The following MYO5A variants were observed in gnomAD, a reference collection of about 807,000 sequenced individuals.
The protein encoded by MYO5A is myosin VA, also known as unconventional myosin-Va.
Under a neutral mutation model 249.7 loss-of-function variants are expected in MYO5A, and 98 were observed. The observed-to-expected ratio is 0.39, with a 90% CI of 0.33 to 0.46. The LOEUF (loss-of-function observed/expected upper bound fraction) is 0.46, where lower values mean the gene tolerates loss of function less well. Among genes scored for constraint, MYO5A ranks in the 20% least tolerant of loss-of-function variants. MYO5A has a pLI of 0.98. For synonymous variants in MYO5A, 778 were observed against 810.6 expected (o/e 0.96, Z 0.68); for missense variants, 1,696 against 2,308.8 (o/e 0.73, Z 5.44).
chr15:52,392,768 T>C (rs905553110), intron 11 of MYO5A, among the ~76,000 whole-genome samples: 3 of 152,244 alleles, frequency 2.0e-5, no homozygotes, highest in African/African-American at 4.8e-5. Flanking sequence ...TCACTGCACA[T>C]GGGCAACAAC....
intron 21 of MYO5A, among the ~76,000 whole-genome samples, chr15:52,371,613 C>A (rs1487428443): frequency 1.3e-5 from 2 of 152,096 alleles, no homozygotes; most frequent in African/African-American, 2.4e-5. Context: ...TCCTGCCAGG[C>A]ATGGTAGCTC....
At chr15:52,423,428 T>C in intron 4 of MYO5A, among the ~76,000 whole-genome samples, 1 of 152,060 alleles carries the variant, frequency 6.6e-6, no homozygotes, top group East Asian at 1.9e-4. Flanking sequence ...GGCAGGTGCC[T>C]GTAGTCCCAG....
rs377259481 is a variant in MYO5A at position 52,510,771 on chromosome 15, A to G, written c.27+18009T>C. Among the ~76,000 whole-genome samples, 33 of 152,366 alleles carry G rather than the reference A, an allele frequency of 2.2e-4. 1 individual carries two copies. The highest frequency in any genetic ancestry group is 1.2e-3 in the East Asian group (6 of 5,194). On this transcript the variant is annotated intron_variant, in intron 1 of 41. Coordinates refer to ENST00000399233, the MANE Select transcript of MYO5A (RefSeq NM_001382347.1). ...CAGGTCTGTGGAAAAACTGTCTTCC[A>G]TGAAACTGGTCCCTGGGGCCAAAAA... is the stretch of plus-strand genomic sequence containing the variant.
intron 34 of MYO5A, among the ~76,000 whole-genome samples, chr15:52,334,313 A>G (rs2039017947): frequency 6.6e-6 from 1 of 152,228 alleles, no homozygotes; most frequent in South Asian, 2.1e-4. Context: ...AGAATCTCAC[A>G]TGTTAATACA....
chr15:52,473,686 T>C (rs1240614435), intron 1 of MYO5A, among the ~76,000 whole-genome samples: 4 of 152,234 alleles, frequency 2.6e-5, no homozygotes, highest in African/African-American at 9.6e-5. Context: ...GTCAGGTTTG[T>C]CAAAGATCAG....
At chr15:52,388,496 C>T (rs1434330870) in intron 13 of MYO5A, among the ~76,000 whole-genome samples, 1 of 152,176 alleles carries the variant, frequency 6.6e-6, no homozygotes, top group African/African-American at 2.4e-5. Context: ...ATGACAAAAC[C>T]TTTAGGTGGC....
intron 27 of MYO5A, among the ~76,000 whole-genome samples, chr15:52,351,929 T>C (rs997635530): frequency 4.6e-5 from 7 of 152,260 alleles, no homozygotes; most frequent in African/African-American, 1.7e-4. Flanking sequence ...TCTTACTTCC[T>C]TTATAAAGCA....
chr15:52,351,431 C>T lies in MYO5A; in HGVS notation c.3672G>A (p.Glu1224=). Residue 1224 remains glutamate (E), a synonymous_variant, in exon 28 of 42, where the codon GAG becomes GAA. Coordinates refer to ENST00000399233, the MANE Select transcript of MYO5A (RefSeq NM_001382347.1). The part of the protein sequence containing the change: ...ENKKLKNELN[E]LRKALSEKSA... Reference sequence around the variant, plus strand: ...TTTTCTCACTGAGGGCCTTGCGCAACTCATTTAGCTCATTCTTCAGTTTTT... The same window carrying T: ...TTTTCTCACTGAGGGCCTTGCGCAATTCATTTAGCTCATTCTTCAGTTTTT... The T allele has an allele frequency of 1.2e-6, 2 of 1,614,214 alleles. No individual in the cohort carries two copies. Among genetic ancestry groups the T allele is most frequent in the Non-Finnish European group, 1.7e-6 (2 of 1,180,040 alleles).
chr15:52,509,787 A>T (rs2077352245), intron 1 of MYO5A, among the ~76,000 whole-genome samples: 1 of 152,204 alleles, frequency 6.6e-6, no homozygotes, highest in Admixed American at 6.5e-5. Context: ...GGCCTGAATG[A>T]TTCACGTTGA....
chr15:52,383,019 T>G (rs1003767702), intron 16 of MYO5A, 72 bp downstream of exon 16: 1 of 1,283,538 alleles, frequency 7.8e-7, no homozygotes, highest in Non-Finnish European at 1.1e-6. Flanking sequence ...AGGAAAATAT[T>G]AGTTTGCTTG....
At chr15:52,328,632 C>T (rs2038724067) in intron 35 of MYO5A, among the ~76,000 whole-genome samples, 1 of 152,218 alleles carries the variant, frequency 6.6e-6, no homozygotes, top group South Asian at 2.1e-4. Flanking sequence ...ACTGCATTTT[C>T]CATACAACAA....
At position 52,404,058 on chromosome 15, in the gene MYO5A, G is replaced by A. The variant is rs550829199; in HGVS notation, c.1053+1229C>T. Reference sequence around the variant, plus strand: ...AGGTGGGCGGATCATCTGAGGTCACGAGTTCAAGAGCAGCCTGGCCAACAT... The same window carrying A: ...AGGTGGGCGGATCATCTGAGGTCACAAGTTCAAGAGCAGCCTGGCCAACAT... On this transcript the variant is annotated intron_variant, in intron 9 of 41. Transcript: ENST00000399233. 2.0e-5 allele frequency among the ~76,000 whole-genome samples: 3 copies of A among 151,972 alleles called. No homozygotes were observed. The East Asian group carries it at 5.8e-4, about 29-fold the overall frequency.
intron 20 of MYO5A, among the ~76,000 whole-genome samples, chr15:52,374,549 C>T (rs148228817): frequency 6.6e-5 from 10 of 152,272 alleles, no homozygotes; most frequent in Admixed American, 2.0e-4. Flanking sequence ...ATGGGTGGAA[C>T]CAAATGCTAT....
chr15:52,378,326 G>C (rs909812792), intron 18 of MYO5A, among the ~76,000 whole-genome samples: 1 of 151,736 alleles, frequency 6.6e-6, no homozygotes, highest in Non-Finnish European at 1.5e-5. Flanking sequence ...TTCAAGACCA[G>C]CCTGGCCAAC....
chr15:52,328,043 A>G, intron 35 of MYO5A, 37 bp from the exon 36 acceptor site: 1 of 1,557,360 alleles, frequency 6.4e-7, no homozygotes, highest in South Asian at 1.1e-5. Flanking sequence ...TATAACATGG[A>G]AAATTTTCAC....
At position 52,346,410 on chromosome 15, in the gene MYO5A, C is replaced by T. The variant is rs750554932; in HGVS notation, c.3910G>A (p.Asp1304Asn). Reference protein sequence around the residue: ...ILLEDVQKMKDKGEIAQAYIG... With the variant: ...ILLEDVQKMKNKGEIAQAYIG... ...TATGCTTGTGCTATTTCACCTTTAT[C>T]TTTCATTTTTTGTACATCTTCCAAA... Residue 1304 changes from aspartate (D) to asparagine (N), a missense_variant, in exon 30 of 42, where the codon GAT (aspartate) becomes AAT (asparagine). Physicochemically the swap from Asp to Asn is conservative, Grantham distance 23 (BLOSUM62 1). Coordinates refer to ENST00000399233, the MANE Select transcript of MYO5A (RefSeq NM_001382347.1). 8 of 1,608,042 alleles carry T rather than the reference C, an allele frequency of 5.0e-6. No homozygotes were observed. Among genetic ancestry groups the T allele is most frequent in the Non-Finnish European group, 6.8e-6 (8 of 1,174,928 alleles).
At chr15:52,330,775 G>T (rs558073551) in intron 34 of MYO5A, among the ~76,000 whole-genome samples, 24 of 151,880 alleles carry the variant, frequency 1.6e-4, no homozygotes, top group Non-Finnish European at 2.9e-4. Flanking sequence ...ATGTAATAAG[G>T]CTTACTTTTT....
At chr15:52,440,626 T>C (rs754732713) in intron 1 of MYO5A, among the ~76,000 whole-genome samples, 20 of 152,260 alleles carry the variant, frequency 1.3e-4, no homozygotes, top group Admixed American at 3.9e-4. Flanking sequence ...AGGCCCTTGA[T>C]TGATGCAGAT....
In MYO5A at chr15:52,319,064, T is replaced by C; in HGVS notation, c.5230A>G (p.Ile1744Val). 6.2e-7 allele frequency: 1 copy of C among 1,614,194 alleles called. No homozygotes were observed. Among genetic ancestry groups the C allele is most frequent in the Non-Finnish European group, 8.5e-7 (1 of 1,180,040 alleles). ...CAGGTGTTGGCATTTGCTCACCTGA[T>C]CTGCATGCCTTTACTCCAGGAGCAC... ...DMCSWSKGMQ[I>V]RYNVSQLEEW... is the part of the protein sequence containing the mutation. Residue 1744 changes from isoleucine to valine, a missense_variant, in exon 39 of 42, where the codon ATC becomes GTC. Transcript: ENST00000399233.
Sources: gnomAD v4.1 joint callset for allele counts (sites outside exome capture counted in the v4.1 genomes callset) on GRCh38, gnomAD v4.1.1 for gene constraint, MANE v1.5 for transcripts, NCBI Gene and HGNC (gene_info 2026-07-23, HGNC 2026-07-21) for gene names.